CRTC3: variants seen among roughly 807,000 people sequenced by gnomAD.
The protein encoded by CRTC3 is CREB-regulated transcription coactivator 3.
In CRTC3, 26 loss-of-function variants were observed where a neutral mutation model predicts 74.5. That is an observed-to-expected ratio of 0.35 (90% CI 0.26 to 0.48). The LOEUF is 0.48. Among genes scored for constraint, CRTC3 ranks in the 20% least tolerant of loss-of-function variants. The pLI is 0.99. For missense variants in CRTC3, 760 were observed against 787.3 expected, an observed-to-expected ratio of 0.97 and a Z score of 0.41; for synonymous variants, 377 against 325.8, an observed-to-expected ratio of 1.16 and a Z score of -1.69.
At chr15:90,543,956 T>C (rs991743427) in intron 2 of CRTC3, among the ~76,000 whole-genome samples, 2 of 152,220 alleles carry the variant, frequency 1.3e-5, no homozygotes, top group Non-Finnish European at 2.9e-5. Flanking sequence ...CCGTAGTCTT[T>C]TGAGTTTTTC....
chr15:90,637,743 C>G (rs1441799383), intron 11 of CRTC3: 1 of 152,230 alleles, frequency 6.6e-6, no homozygotes, highest in African/African-American at 2.4e-5. Flanking sequence ...GTCCAACTGC[C>G]CCTTACACAA....
At chr15:90,634,698 G>A (rs1969168875) in intron 11 of CRTC3, 4 of 666,292 alleles carry the variant, frequency 6.0e-6, no homozygotes, top group Non-Finnish European at 5.4e-6. Context: ...CACTAGAGCG[G>A]AGTATGAGAC....
chr15:90,637,392 C>A (rs963367333), intron 11 of CRTC3, among the ~76,000 whole-genome samples: 2 of 151,856 alleles, frequency 1.3e-5, no homozygotes, highest in Admixed American at 1.3e-4. Flanking sequence ...CATCACACAC[C>A]GGGGCCTGTT....
At chr15:90,623,148 G>A (rs1017237438) in intron 9 of CRTC3, among the ~76,000 whole-genome samples, 3 of 152,040 alleles carry the variant, frequency 2.0e-5, no homozygotes, top group African/African-American at 2.4e-5. Context: ...CCCTCCTCCC[G>A]CTGGATTTGT....
At chr15:90,631,287 C>G (rs548806816) in intron 11 of CRTC3, among the ~76,000 whole-genome samples, 37 of 152,298 alleles carry the variant, frequency 2.4e-4, no homozygotes, top group African/African-American at 8.9e-4. Flanking sequence ...GTCGCCCAAG[C>G]TGGAGCACAA....
rs781139487 is a variant in CRTC3, at chr15:90,642,157, C to G, written c.*17C>G. ...AGACTGTGAACAGAAGGCAGTGGAA[C>G]AGAAGAATGTTTTTCTGCAACAGCC... On this transcript the variant is annotated 3_prime_UTR_variant, in exon 15 of 15. Transcript: ENST00000268184. 1.2e-5 allele frequency: 20 copies of G among 1,608,666 alleles called. No homozygotes were observed.
chr15:90,581,951 G>A (rs1181761766), intron 2 of CRTC3, among the ~76,000 whole-genome samples: 2 of 152,140 alleles, frequency 1.3e-5, no homozygotes, highest in Non-Finnish European at 2.9e-5. Flanking sequence ...CAGGCACTTT[G>A]TCTCCTTTCC....
At chr15:90,639,510 C>T (rs900161452) in intron 13 of CRTC3, among the ~76,000 whole-genome samples, 7 of 142,182 alleles carry the variant, frequency 4.9e-5, no homozygotes, top group Non-Finnish European at 7.5e-5. Flanking sequence ...AGTGCAGTGG[C>T]GTGATCTCGG....
intron 2 of CRTC3, among the ~76,000 whole-genome samples, chr15:90,552,759 G>C (rs1227637725): frequency 6.6e-6 from 1 of 152,176 alleles, no homozygotes; most frequent in Admixed American, 6.5e-5. Context: ...TGACCAAGGG[G>C]GTTTTGGAGC....
chr15:90,558,349 G>A (rs1226556526), intron 2 of CRTC3, among the ~76,000 whole-genome samples: 1 of 151,962 alleles, frequency 6.6e-6, no homozygotes, highest in South Asian at 2.1e-4. Context: ...TTTAAAATAT[G>A]AGCCAGATTA....
At chr15:90,544,396 A>C (rs1010548226) in intron 2 of CRTC3, among the ~76,000 whole-genome samples, 3 of 152,230 alleles carry the variant, frequency 2.0e-5, no homozygotes, top group Non-Finnish European at 4.4e-5. Context: ...AAATAAAGTC[A>C]TATTCACAGG....
intron 6 of CRTC3, among the ~76,000 whole-genome samples, chr15:90,613,159 G>A (rs1474779593): frequency 7.0e-6 from 1 of 143,860 alleles, no homozygotes; most frequent in Non-Finnish European, 1.5e-5. Context: ...CTCCAGCCTG[G>A]GCAACAAAGT....
intron 7 of CRTC3, 193 bp downstream of exon 7, chr15:90,614,681 A>G (rs1277488818): frequency 1.2e-5 from 6 of 490,034 alleles, no homozygotes; most frequent in African/African-American, 2.0e-5. Flanking sequence ...GAAAGGAAAT[A>G]TGTGGTTGCA....
intron 10 of CRTC3, among the ~76,000 whole-genome samples, chr15:90,626,611 C>CTTTTTTT (rs922457681): frequency 0.027 from 3,623 of 133,048 alleles, 214 homozygotes; most frequent in African/African-American, 0.099. Context: ...AAGCCTGACA[C>CTTTTTTT]TTTTTTTTTT....
intron 2 of CRTC3, among the ~76,000 whole-genome samples, chr15:90,544,689 A>G (rs1240040239): frequency 2.0e-5 from 3 of 152,216 alleles, no homozygotes; most frequent in Admixed American, 2.0e-4. Context: ...CTTTAGCTTT[A>G]TAAGAAATCG....
intron 11 of CRTC3, among the ~76,000 whole-genome samples, chr15:90,630,758 T>TAACTACTCACCACCTCGCCA (rs1596143191): frequency 2.4e-5 from 1 of 42,400 alleles, no homozygotes; most frequent in Non-Finnish European, 5.1e-5. Context: ...ACAGCATCAT[T>TAACTACTCACCACCTCGCCA]TTTTTTTTTT....
rs199729294 is a variant in CRTC3 at position 90,574,475 on chromosome 15, T to TCAAAACAAAA, written c.232-19150_232-19141dup. Among the ~76,000 whole-genome samples, 1,388 of 152,192 alleles carry TCAAAACAAAA rather than the reference T, an allele frequency of 9.1e-3. 44 individuals carry two copies. The East Asian group carries it at 0.11, about 12-fold the overall frequency. On this transcript the variant is annotated intron_variant, in intron 2 of 14. Transcript: ENST00000268184. ...CCTGGTGACAGAGCGAGACTCTGTC[T>TCAAAACAAAA]CAAAACAAAACAAAACAAAAAAACT...
intron 8 of CRTC3, among the ~76,000 whole-genome samples, chr15:90,619,034 C>T (rs576554795): frequency 3.3e-5 from 5 of 152,184 alleles, no homozygotes; most frequent in Non-Finnish European, 5.9e-5. Context: ...CATTCCTGTC[C>T]GTCTGGAGCT....
chr15:90,640,448 G>C (rs1385991721), intron 13 of CRTC3, among the ~76,000 whole-genome samples: 1 of 152,162 alleles, frequency 6.6e-6, no homozygotes, highest in Non-Finnish European at 1.5e-5. Flanking sequence ...CACTTTGGGA[G>C]GCCAAGGCCA....
Sources: allele counts gnomAD v4.1 joint callset (sites outside exome capture counted in the v4.1 genomes callset), GRCh38; gene constraint gnomAD v4.1.1; transcripts MANE v1.5; gene names NCBI Gene and HGNC (gene_info 2026-07-23, HGNC 2026-07-21).